The following LRRC4C variants were observed in gnomAD, a reference collection of about 807,000 sequenced individuals.
The protein encoded by LRRC4C is leucine-rich repeat-containing protein 4C.
In LRRC4C, 5 loss-of-function variants were observed where a neutral mutation model predicts 33.6. The observed-to-expected ratio is 0.15, with a 90% CI of 0.08 to 0.31. LRRC4C has a LOEUF of 0.31. Among genes scored for constraint, LRRC4C ranks in the 10% least tolerant of loss-of-function variants. LRRC4C has a pLI of 1.00. For missense variants in LRRC4C, 560 were observed against 796.7 expected (o/e 0.70, Z 3.58); for synonymous variants, 329 against 302.0 (o/e 1.09, Z -0.93).
intron 2 of LRRC4C, among the ~76,000 whole-genome samples, chr11:40,766,181 G>C (rs1364475441): frequency 6.6e-6 from 1 of 150,436 alleles, no homozygotes; most frequent in Admixed American, 6.6e-5. Context: ...TGAAATATTT[G>C]AAGTGTTAAG....
chr11:40,575,364 G>A (rs932993481), intron 3 of LRRC4C, among the ~76,000 whole-genome samples: 1 of 150,518 alleles, frequency 6.6e-6, no homozygotes, highest in Non-Finnish European at 1.5e-5. Context: ...TACAACCTTC[G>A]AAATTTGTCT....
chr11:40,625,845 C>T (rs1405759992), intron 3 of LRRC4C, among the ~76,000 whole-genome samples: 1 of 152,102 alleles, frequency 6.6e-6, no homozygotes, highest in Non-Finnish European at 1.5e-5. Flanking sequence ...CCAAACACCT[C>T]TTCTTTTTTA....
chr11:40,257,744 T>C (rs1481505716), intron 4 of LRRC4C, among the ~76,000 whole-genome samples: 2 of 152,154 alleles, frequency 1.3e-5, no homozygotes. Flanking sequence ...TCTGGATGTC[T>C]GGATATGATG....
chr11:40,132,391 A>T (rs150145628), intron 6 of LRRC4C, among the ~76,000 whole-genome samples: 1 of 152,168 alleles, frequency 6.6e-6, no homozygotes, highest in Non-Finnish European at 1.5e-5. Context: ...ACACCAGTAC[A>T]CTGGTGACAT....
chr11:41,265,380 G>A (rs1163189486), intron 1 of LRRC4C, among the ~76,000 whole-genome samples: 1 of 152,092 alleles, frequency 6.6e-6, no homozygotes, highest in Non-Finnish European at 1.5e-5. Flanking sequence ...TAAAGTGGTG[G>A]CTGATTGGTA....
chr11:40,439,193 G>A (rs529355255), intron 3 of LRRC4C, among the ~76,000 whole-genome samples: 1 of 151,468 alleles, frequency 6.6e-6, no homozygotes, highest in Non-Finnish European at 1.5e-5. Context: ...ACCCACCTTG[G>A]CCTACCAAAG....
At chr11:40,501,618 A>T (rs1269923152) in intron 3 of LRRC4C, among the ~76,000 whole-genome samples, 1 of 152,086 alleles carries the variant, frequency 6.6e-6, no homozygotes, top group Non-Finnish European at 1.5e-5. Context: ...CTTTTTAGTC[A>T]TCCCTGGAGT....
intron 1 of LRRC4C, among the ~76,000 whole-genome samples, chr11:40,946,122 G>T (rs1032466021): frequency 2.0e-5 from 3 of 151,944 alleles, no homozygotes; most frequent in Admixed American, 2.0e-4. Flanking sequence ...AGTGTCTATT[G>T]TCAGTGTCTT....
At chr11:40,192,949 CCA>C (rs1861965403) in intron 5 of LRRC4C, among the ~76,000 whole-genome samples, 1 of 152,198 alleles carries the variant, frequency 6.6e-6, no homozygotes, top group Non-Finnish European at 1.5e-5. Context: ...GGCAGCAGCC[CCA>C]GTCAGGGGCT....
intron 2 of LRRC4C, among the ~76,000 whole-genome samples, chr11:40,835,468 T>G (rs183715326): frequency 6.6e-6 from 1 of 152,310 alleles, no homozygotes. Flanking sequence ...CTAGACTATC[T>G]CTCTGAATGT....
intron 4 of LRRC4C, among the ~76,000 whole-genome samples, chr11:40,252,987 G>A (rs1866906744): frequency 6.6e-6 from 1 of 152,118 alleles, no homozygotes; most frequent in Non-Finnish European, 1.5e-5. Flanking sequence ...TGGTATCTGG[G>A]TGACATCTTA....
At chr11:40,159,755 A>T (rs1179251250) in intron 5 of LRRC4C, among the ~76,000 whole-genome samples, 4 of 152,130 alleles carry the variant, frequency 2.6e-5, no homozygotes, top group African/African-American at 9.7e-5. Flanking sequence ...TCAACTGCAG[A>T]CTGTCACTTT....
At chr11:40,883,227 C>T (rs922179138) in intron 2 of LRRC4C, among the ~76,000 whole-genome samples, 5 of 151,846 alleles carry the variant, frequency 3.3e-5, no homozygotes, top group Non-Finnish European at 7.4e-5. Flanking sequence ...AACAAGAGTC[C>T]CTGAGATGCA....
At chr11:40,326,526 A>G (rs1036785947) in intron 3 of LRRC4C, among the ~76,000 whole-genome samples, 3 of 148,210 alleles carry the variant, frequency 2.0e-5, no homozygotes, top group Non-Finnish European at 4.5e-5. Flanking sequence ...ATGCCACTGC[A>G]CTCCAGGCAA....
chr11:40,664,771 T>C (rs937773982), intron 2 of LRRC4C, among the ~76,000 whole-genome samples: 1 of 152,038 alleles, frequency 6.6e-6, no homozygotes, highest in African/African-American at 2.4e-5. Context: ...GTTTTTTTAA[T>C]ATATATATAG....
intron 1 of LRRC4C, among the ~76,000 whole-genome samples, chr11:41,259,956 T>C (rs1291934571): frequency 6.6e-6 from 1 of 152,062 alleles, no homozygotes; most frequent in African/African-American, 2.4e-5. Context: ...TAGTGAATTT[T>C]TTGGTGCAGT....
chr11:40,374,292 G>A (rs1025091788), intron 3 of LRRC4C, among the ~76,000 whole-genome samples: 3 of 151,960 alleles, frequency 2.0e-5, no homozygotes, highest in Non-Finnish European at 2.9e-5. Context: ...GATCCTCCTG[G>A]GTAGAATTAG....
chr11:40,585,070 T>C (rs1958659158), intron 3 of LRRC4C, among the ~76,000 whole-genome samples: 1 of 152,082 alleles, frequency 6.6e-6, no homozygotes, highest in Non-Finnish European at 1.5e-5. Context: ...GGCACTGTCC[T>C]GGAAAGTAGG....
chr11:41,443,013 C>T (rs1211098609), intron 1 of LRRC4C, among the ~76,000 whole-genome samples: 2 of 149,722 alleles, frequency 1.3e-5, no homozygotes, highest in African/African-American at 4.9e-5. Flanking sequence ...AATGGTAGAG[C>T]TTATACTTTT....
Sources: gnomAD v4.1 joint callset for allele counts (sites outside exome capture counted in the v4.1 genomes callset) on GRCh38, gnomAD v4.1.1 for gene constraint, MANE v1.5 for transcripts, NCBI Gene and HGNC (gene_info 2026-07-23, HGNC 2026-07-21) for gene names.